Variants in TANGO6 observed in about 807,000 individuals in gnomAD.
TANGO6 encodes transport and Golgi organization protein 6 homolog.
Under a neutral mutation model 114.2 loss-of-function variants are expected in TANGO6, and 90 were observed. The ratio of observed to expected loss-of-function variants is 0.79; its 90% CI spans 0.66 to 0.94. The LOEUF is 0.94. TANGO6 is among the 40% of genes least tolerant of loss of function. The probability of loss-of-function intolerance (pLI) is 0.00; values close to 1 mark genes in which losing one functional copy is unlikely to be tolerated. For missense variants in TANGO6, 1,274 were observed against 1,315.3 expected, an observed-to-expected ratio of 0.97 and a Z score of 0.49; for synonymous variants, 477 against 509.8, an observed-to-expected ratio of 0.94 and a Z score of 0.87.
chr16:68,949,221 G>T (rs957110362), intron 14 of TANGO6, among the ~76,000 whole-genome samples: 1 of 152,074 alleles, frequency 6.6e-6, no homozygotes, highest in Non-Finnish European at 1.5e-5. Flanking sequence ...GTCAATCCTG[G>T]GATTTATCCA....
chr16:69,080,596 T>A (rs1368356811), intron 17 of TANGO6, among the ~76,000 whole-genome samples: 1 of 152,172 alleles, frequency 6.6e-6, no homozygotes, highest in East Asian at 1.9e-4. Context: ...TACACATGTG[T>A]GCTTGTAAAC....
intron 16 of TANGO6, 95 bp downstream of exon 16, chr16:69,023,074 C>A: frequency 7.6e-7 from 1 of 1,315,474 alleles, no homozygotes. Flanking sequence ...GCTCTTTTTG[C>A]AGATCTGCCA....
At chr16:69,022,431 C>T (rs1174828881) in intron 15 of TANGO6, among the ~76,000 whole-genome samples, 1 of 152,104 alleles carries the variant, frequency 6.6e-6, no homozygotes, top group East Asian at 1.9e-4. Context: ...TGGTCATGTA[C>T]GGTGACTCAC....
chr16:69,007,601 T>C (rs1020071030), intron 15 of TANGO6, among the ~76,000 whole-genome samples: 9 of 152,166 alleles, frequency 5.9e-5, no homozygotes, highest in Admixed American at 2.6e-4. Flanking sequence ...CATCAGTTGA[T>C]GGATATGTGA....
At chr16:68,878,399 A>C (rs1962403290) in intron 6 of TANGO6, 119 bp downstream of exon 6, 2 of 1,230,048 alleles carry the variant, frequency 1.6e-6, no homozygotes, top group African/African-American at 3.1e-5. Context: ...CCCTCCCCCC[A>C]ACTTTTTATT....
rs1285381104 is a variant in TANGO6, at chr16:69,022,842, A to G, written c.2857A>G (p.Lys953Glu). The G allele has an allele frequency of 6.3e-7, 1 of 1,582,208 alleles. No homozygotes were observed. The highest frequency in any genetic ancestry group is 1.3e-5 in the African/African-American group (1 of 74,428). ...TTTTCCTATAGGAGACATGGTCTCA[A>G]AGTACCGAGAACCTTTGATCCATAC... Reference protein sequence around the residue: ...IVRALGDMVSKYREPLIHTFL... With the variant: ...IVRALGDMVSEYREPLIHTFL... Residue 953 changes from lysine to glutamate, a missense_variant, in exon 16 of 18, where the codon AAG becomes GAG. Physicochemically the swap from Lys to Glu is moderately conservative, Grantham distance 56. Transcript: ENST00000261778.
chr16:69,041,283 C>T (rs1244282622), intron 17 of TANGO6, among the ~76,000 whole-genome samples: 1 of 151,980 alleles, frequency 6.6e-6, no homozygotes, highest in East Asian at 1.9e-4. Flanking sequence ...CCCATCTCTA[C>T]TAAAAATACA....
chr16:69,018,486 A>G lies in TANGO6; in HGVS notation c.2843-4342A>G, dbSNP rs539378861. Among the ~76,000 whole-genome samples, 195 of 151,858 alleles carry G rather than the reference A, an allele frequency of 1.3e-3. 1 individual carries two copies. Among genetic ancestry groups the G allele is most frequent in the South Asian group, 2.3e-3 (11 of 4,806 alleles). ...ATGCAATATATCATAGGAGTTACTC[A>G]TAGGTAACTCATAGGAATTAAGTAT... is the stretch of plus-strand genomic sequence containing the variant. On this transcript the variant is annotated intron_variant, in intron 15 of 17. Transcript: ENST00000261778.
intron 14 of TANGO6, among the ~76,000 whole-genome samples, chr16:68,941,735 G>T (rs1963355846): frequency 6.6e-6 from 1 of 151,712 alleles, no homozygotes; most frequent in African/African-American, 2.4e-5. Flanking sequence ...GACAGAGCAA[G>T]ACTGTCTCTG....
chr16:68,897,735 T>G (rs1216046566), intron 7 of TANGO6, among the ~76,000 whole-genome samples: 2 of 152,064 alleles, frequency 1.3e-5, no homozygotes, highest in African/African-American at 4.8e-5. Context: ...TGTGCCACCA[T>G]GCACTGCTAA....
intron 14 of TANGO6, among the ~76,000 whole-genome samples, chr16:68,941,431 G>A (rs911046494): frequency 2.0e-5 from 3 of 151,710 alleles, no homozygotes; most frequent in Admixed American, 6.6e-5. Flanking sequence ...TTGGAAATTT[G>A]TATTGAGTCT....
rs1960305315 is a variant in TANGO6 at position 69,072,098 on chromosome 16, GTA to G, written c.3109-11385_3109-11384del. ...AGAGGGAGACCGTGTGTGTGTGTGT[GTA>G]TGTGTGAAGAGAGAGGGAGACCGTG... is the stretch of plus-strand genomic sequence containing the variant. On this transcript the variant is annotated intron_variant, in intron 17 of 17. Coordinates refer to ENST00000261778, the MANE Select transcript of TANGO6 (RefSeq NM_024562.2). Among the ~76,000 whole-genome samples the G allele has an allele frequency of 1.3e-4, 19 of 146,118 alleles. 1 individual carries two copies. Among genetic ancestry groups the G allele is most frequent in the South Asian group, 2.2e-4 (1 of 4,518 alleles).
chr16:68,926,000 C>CT (rs1382296864), intron 12 of TANGO6, among the ~76,000 whole-genome samples: 2 of 148,844 alleles, frequency 1.3e-5, no homozygotes, highest in Non-Finnish European at 3.0e-5. Context: ...TATTTCTGGC[C>CT]TTTCTGTTCT....
intron 17 of TANGO6, among the ~76,000 whole-genome samples, chr16:69,070,746 A>ATATTAT (rs145226838): frequency 0.045 from 6,307 of 141,694 alleles, 214 homozygotes; most frequent in South Asian, 0.088. Flanking sequence ...GCAAGAATCA[A>ATATTAT]TATTATTATT....
chr16:69,051,983 G>A (rs1402008548), intron 17 of TANGO6, among the ~76,000 whole-genome samples: 2 of 122,784 alleles, frequency 1.6e-5, no homozygotes, highest in Non-Finnish European at 3.2e-5. Flanking sequence ...TTGCTCTGTC[G>A]ACCCAGGTGG....
intron 17 of TANGO6, among the ~76,000 whole-genome samples, chr16:69,072,123 G>A (rs1486927511): frequency 1.9e-5 from 1 of 52,248 alleles, no homozygotes; most frequent in Non-Finnish European, 4.0e-5. Context: ...GAGGGAGACC[G>A]TGTGTGTGTG....
rs1157130358 is a variant in TANGO6, at chr16:68,999,438, T to A, written c.2843-23390T>A. 2.0e-5 allele frequency among the ~76,000 whole-genome samples: 3 copies of A among 152,220 alleles called. No homozygotes were observed. In the East Asian group the frequency reaches 5.8e-4, roughly 29 times the overall value. Reference sequence around the variant, plus strand: ...GTCAACTTTGATCCCTTAAACAGTCTGTTTATATTTGAAAGCATGCCATTC... The same window carrying A: ...GTCAACTTTGATCCCTTAAACAGTCAGTTTATATTTGAAAGCATGCCATTC... On this transcript the variant is annotated intron_variant, in intron 15 of 17. Coordinates refer to ENST00000261778, the MANE Select transcript of TANGO6 (RefSeq NM_024562.2).
intron 2 of TANGO6, among the ~76,000 whole-genome samples, chr16:68,861,276 A>G (rs1423299479): frequency 6.6e-6 from 1 of 152,204 alleles, no homozygotes; most frequent in African/African-American, 2.4e-5. Context: ...CTCAAGGGTC[A>G]GTGCGGCCCC....
At chr16:69,049,501 G>A (rs910755063) in intron 17 of TANGO6, among the ~76,000 whole-genome samples, 3 of 149,660 alleles carry the variant, frequency 2.0e-5, no homozygotes, top group Non-Finnish European at 3.0e-5. Flanking sequence ...GCGCCATCTC[G>A]TCTCACTGCA....
Sources: gnomAD v4.1 joint callset for allele counts (sites outside exome capture counted in the v4.1 genomes callset) on GRCh38, gnomAD v4.1.1 for gene constraint, MANE v1.5 for transcripts, NCBI Gene and HGNC (gene_info 2026-07-23, HGNC 2026-07-21) for gene names.